Variants in CLPTM1 observed in about 807,000 individuals in gnomAD.
The protein encoded by CLPTM1 is putative lipid scramblase CLPTM1.
In CLPTM1, 21 loss-of-function variants were observed where a neutral mutation model predicts 77.3. The ratio of observed to expected loss-of-function variants is 0.27; its 90% CI spans 0.19 to 0.39. CLPTM1 has a LOEUF of 0.39. Ranked by LOEUF, CLPTM1 falls within the 10% of genes least tolerant of loss-of-function variation. The pLI is 1.00. For missense variants in CLPTM1, 642 were observed against 921.2 expected, an observed-to-expected ratio of 0.70 and a Z score of 3.92; for synonymous variants, 373 against 381.0, an observed-to-expected ratio of 0.98 and a Z score of 0.24.
chr19:44,966,598 C>A (rs748979875), intron 2 of CLPTM1, among the ~76,000 whole-genome samples: 1 of 152,218 alleles, frequency 6.6e-6, no homozygotes, highest in South Asian at 2.1e-4. Context: ...CTCAGCCCTG[C>A]CACCTCTGAG....
chr19:44,955,268 G>T (rs77173206), upstream of CLPTM1: 4,067 of 1,471,548 alleles, frequency 2.8e-3, 60 homozygotes, highest in African/African-American at 0.04. Context: ...TGAGAGGCGT[G>T]GCTGCGGCAC....
chr19:44,971,604 G>A lies in CLPTM1; in HGVS notation c.186-1483G>A, dbSNP rs7245441. Among the ~76,000 whole-genome samples the A allele has an allele frequency of 2.4e-3, 366 of 152,118 alleles. 1 individual carries two copies. The highest frequency in any genetic ancestry group is 8.1e-3 in the African/African-American group (335 of 41,482). ...TTGGGACAAGCTCTCTATCTCCCAG[G>A]CTGGAGTGCAGTGGCGCAATCACGT... On this transcript the variant is annotated intron_variant, in intron 2 of 13. Transcript: ENST00000337392.
At position 44,988,267 on chromosome 19, in the gene CLPTM1, C is replaced by G. The variant is rs1971014932; in HGVS notation, c.1132+94C>G. 5.4e-6 allele frequency: 5 copies of G among 933,524 alleles called. No individual in the cohort carries two copies. The South Asian group carries it at 6.6e-5, about 12-fold the overall frequency. 57.8% of individuals were successfully genotyped at this position (933,524 alleles called of 1,614,324 possible). A position where few individuals can be genotyped will look rare whatever the true frequency, so the allele number is the denominator to read the frequency against. ...CTCCCCTCCCTCCCCACATGTCCTC[C>G]CCCTGCCTGGGGTCTCTCAGCCCCA... On this transcript the variant is annotated intron_variant, in intron 9 of 13. Transcript: ENST00000337392.
At chr19:44,989,455 C>T (rs1437791361) in intron 9 of CLPTM1, among the ~76,000 whole-genome samples, 1 of 152,138 alleles carries the variant, frequency 6.6e-6, no homozygotes, top group Non-Finnish European at 1.5e-5. Context: ...CCCACGAGAA[C>T]CCACCAGAAC....
chr19:44,977,417 G>A lies in CLPTM1; in HGVS notation c.543G>A (p.Gln181=). 6.2e-7 allele frequency: 1 copy of A among 1,609,582 alleles called. No homozygotes were observed. The highest frequency in any genetic ancestry group is 1.1e-5 in the South Asian group (1 of 91,052). ...TKSGFHPDPR[Q]KALYRRLATV... is the part of the protein sequence containing the mutation. ...GTGGCTTCCACCCAGACCCCCGGCA[G>A]AAGGCCCTGTACCGCCGGCTTGCCA... The change falls in exon 5 of 14, where the codon CAG becomes CAA. Residue 181 remains glutamine (Q), a synonymous_variant. Transcript: ENST00000337392.
intron 9 of CLPTM1, among the ~76,000 whole-genome samples, chr19:44,989,335 G>A (rs921353863): frequency 1.3e-5 from 2 of 152,166 alleles, no homozygotes; most frequent in African/African-American, 2.4e-5. Context: ...GAGAAATGAG[G>A]CACAAGAAGG....
intron 5 of CLPTM1, among the ~76,000 whole-genome samples, chr19:44,980,434 C>A (rs183148747): frequency 6.7e-6 from 1 of 149,782 alleles, no homozygotes; most frequent in East Asian, 2.0e-4. Context: ...TTTTGGACCC[C>A]GGAGGCGGAG....
chr19:44,981,748 TA>T, intron 5 of CLPTM1, among the ~76,000 whole-genome samples: 1 of 149,246 alleles, frequency 6.7e-6, no homozygotes, highest in East Asian at 2.1e-4. Context: ...CCCCCCCTAA[TA>T]AAAATACAAA....
At chr19:44,974,845 A>G (rs138879657) in intron 4 of CLPTM1, among the ~76,000 whole-genome samples, 15 of 152,334 alleles carry the variant, frequency 9.8e-5, no homozygotes, top group South Asian at 2.1e-4. Flanking sequence ...AAGGTTGTGC[A>G]GTCCTCCACT....
chr19:44,992,787 A>C lies in CLPTM1; in HGVS notation c.1900A>C (p.Arg634=). 6.2e-7 allele frequency: 1 copy of C among 1,612,860 alleles called. No homozygotes were observed. The highest frequency in any genetic ancestry group is 8.5e-7 in the Non-Finnish European group (1 of 1,179,818). The change falls in exon 14 of 14, where the codon AGG becomes CGG. Residue 634 remains arginine (R), a synonymous_variant. Transcript: ENST00000337392. This position sits in a 1 kb window ranked among gnomAD's most constrained non-coding sequence, Gnocchi z 7.7. The stretch of plus-strand genomic sequence containing the variant: ...TGCACCCACCACGACCACCGCCACC[A>C]GGGAGGAGGCCTCCACGTCCCTGCC... ...TPAPTTTTAT[R]EEASTSLPTK...
At chr19:44,969,806 G>A (rs905114997) in intron 2 of CLPTM1, among the ~76,000 whole-genome samples, 1 of 149,962 alleles carries the variant, frequency 6.7e-6, no homozygotes, top group African/African-American at 2.5e-5. Flanking sequence ...TTTTGCCTCC[G>A]CCTACCAAGT....
chr19:44,965,068 C>T (rs555659954), intron 2 of CLPTM1, among the ~76,000 whole-genome samples: 2 of 152,104 alleles, frequency 1.3e-5, no homozygotes, highest in Non-Finnish European at 2.9e-5. Flanking sequence ...GTTTACTCCT[C>T]TGCAAAATAG....
intron 1 of CLPTM1, 196 bp downstream of exon 1, chr19:44,955,663 G>A: frequency 2.1e-6 from 1 of 465,430 alleles, no homozygotes; most frequent in Non-Finnish European, 3.4e-6. Flanking sequence ...GTTGCGGGTC[G>A]GTTCCCCTGC....
At chr19:44,959,948 C>T (rs1970519364) in intron 1 of CLPTM1, among the ~76,000 whole-genome samples, 1 of 152,122 alleles carries the variant, frequency 6.6e-6, no homozygotes, top group South Asian at 2.1e-4. Context: ...AACGGGTAAG[C>T]GAAGAGACCT....
At chr19:44,989,119 T>A (rs1568389861) in intron 9 of CLPTM1, among the ~76,000 whole-genome samples, 2 of 152,046 alleles carry the variant, frequency 1.3e-5, no homozygotes, top group Non-Finnish European at 2.9e-5. Context: ...TGAGCCATGA[T>A]CACACCACTG....
At chr19:44,963,154 A>G (rs1337474510) in intron 2 of CLPTM1, among the ~76,000 whole-genome samples, 2 of 130,882 alleles carry the variant, frequency 1.5e-5, no homozygotes, top group African/African-American at 5.8e-5. Context: ...GGTTGCGGTG[A>G]GCTGAGATCG....
Position 44,992,661 on chromosome 19 carries a change from C to G in CLPTM1, c.1774C>G (p.Pro592Ala), listed in dbSNP as rs1568391218. The change falls in exon 14 of 14, where the codon CCC becomes GCC. Residue 592 changes from proline (P) to alanine (A), a missense_variant. Transcript: ENST00000337392. This position sits in a 1 kb window ranked among gnomAD's most constrained non-coding sequence, Gnocchi z 7.7. Reference sequence around the variant, plus strand: ...CCAACGGTGGATCTACCGCGTCGACCCCACCCGAGTCAACGAGTTTGGCAT... The same window carrying G: ...CCAACGGTGGATCTACCGCGTCGACGCCACCCGAGTCAACGAGTTTGGCAT... ...LYQRWIYRVD[P>A]TRVNEFGMSG... The G allele has an allele frequency of 1.2e-6, 2 of 1,613,866 alleles. No homozygotes were observed. Among genetic ancestry groups the G allele is most frequent in the African/African-American group, 2.7e-5 (2 of 74,916 alleles).
At chr19:44,969,970 C>CCCAG (rs1299892877) in intron 2 of CLPTM1, among the ~76,000 whole-genome samples, 1 of 147,680 alleles carries the variant, frequency 6.8e-6, no homozygotes, top group East Asian at 1.9e-4. Context: ...AGCCACCACG[C>CCCAG]CCAGCCTCGT....
chr19:44,986,788 A>T, intron 7 of CLPTM1: 2 of 585,654 alleles, frequency 3.4e-6, no homozygotes, highest in Middle Eastern at 4.5e-4. Flanking sequence ...ACACGCCAGC[A>T]TCGGTCCGCA....
Sources: gnomAD v4.1 joint callset for allele counts (sites outside exome capture counted in the v4.1 genomes callset) on GRCh38, gnomAD v4.1.1 for gene constraint, Gnocchi (gnomAD v3.1) non-coding constraint, MANE v1.5 for transcripts, NCBI Gene and HGNC (gene_info 2026-07-23, HGNC 2026-07-21) for gene names.